The following TPP1 variants were observed in gnomAD, a reference collection of about 807,000 sequenced individuals.
The protein encoded by TPP1 is tripeptidyl peptidase 1.
TPP1 carries 43 observed loss-of-function variants against 67.6 expected under a neutral mutation model. That is an observed-to-expected ratio of 0.64 (90% CI 0.50 to 0.82). The LOEUF (loss-of-function observed/expected upper bound fraction) is 0.82, where lower values mean the gene tolerates loss of function less well. TPP1 is among the 40% of genes least tolerant of loss of function. The pLI is 0.00. For missense variants in TPP1, 671 were observed against 710.9 expected (o/e 0.94, Z 0.64); for synonymous variants, 272 against 281.5 (o/e 0.97, Z 0.34).
rs138448968 is a variant in TPP1, at chr11:6,618,904, C to G, written c.101G>C (p.Gly34Ala). 2 of 1,613,272 alleles carry G rather than the reference C, an allele frequency of 1.2e-6. No individual in the cohort carries two copies. The highest frequency in any genetic ancestry group is 1.7e-6 in the Non-Finnish European group (2 of 1,180,044). ...EPDQRRTLPP[G>A]WVSLGRADPE... The stretch of plus-strand genomic sequence containing the variant: ...GTCCGCACGGCCCAGGGACACCCAG[C>G]CTGGGGGCAGCCTGTAGGGTCAGGG... The change falls in exon 3 of 13, where the codon GGC becomes GCC. Residue 34 changes from glycine to alanine, a missense_variant. Coordinates refer to ENST00000299427, the MANE Select transcript of TPP1 (RefSeq NM_000391.4).
At chr11:6,617,230 C>T (rs1855601086) in intron 5 of TPP1, 71 bp downstream of exon 5, 2 of 1,613,976 alleles carry the variant, frequency 1.2e-6, no homozygotes, top group Middle Eastern at 1.6e-4. Context: ...CCCCCAGTCC[C>T]CAATGGCATC....
At position 6,618,900 on chromosome 11, in the gene TPP1, C is replaced by T; in HGVS notation, c.105G>A (p.Trp35Ter). 1.2e-6 allele frequency: 2 copies of T among 1,613,530 alleles called. No homozygotes were observed. The highest frequency in any genetic ancestry group is 1.7e-6 in the Non-Finnish European group (2 of 1,180,026). ...CAGGGTCCGCACGGCCCAGGGACAC[C>T]CAGCCTGGGGGCAGCCTGTAGGGTC... The part of the protein sequence containing the change: ...PDQRRTLPPG[W>*]VSLGRADPEE... Residue 35 changes from tryptophan (W) to a stop codon, truncating the protein, a stop_gained, in exon 3 of 13, where the codon TGG becomes TGA. Transcript: ENST00000299427. LOFTEE classifies it high-confidence loss of function.
At chr11:6,615,889 C>A in intron 9 of TPP1, 116 bp downstream of exon 9, 1 of 1,240,550 alleles carries the variant, frequency 8.1e-7, no homozygotes, top group Non-Finnish European at 1.2e-6. Context: ...CCAGGGCAGG[C>A]AAAGCTTAAG....
rs754314582 is a variant in TPP1, at chr11:6,616,747, C to T, written c.800G>A (p.Gly267Asp). 2.5e-6 allele frequency: 4 copies of T among 1,614,034 alleles called. No individual in the cohort carries two copies. The highest frequency in any genetic ancestry group is 3.4e-6 in the Non-Finnish European group (4 of 1,180,016). The change falls in exon 7 of 13, where the codon GGC becomes GAC. Residue 267 changes from glycine (G) to aspartate (D), a missense_variant. Physicochemically the swap from Gly to Asp is moderately conservative, Grantham distance 94 (BLOSUM62 -1). Coordinates refer to ENST00000299427, the MANE Select transcript of TPP1 (RefSeq NM_000391.4). ...TAGACTGGCCTCAATCCCGGCCCGG[C>T]CCCGGCCCTGTTGTCCAACCACACG... ...VARVVGQQGR[G>D]RAGIEASLDV...
At position 6,616,366 on chromosome 11, in the gene TPP1, T is replaced by C; in HGVS notation, c.1024A>G (p.Thr342Ala). 6.2e-7 allele frequency: 1 copy of C among 1,613,846 alleles called. No individual in the cohort carries two copies. The highest frequency in any genetic ancestry group is 8.5e-7 in the Non-Finnish European group (1 of 1,179,994). The change falls in exon 8 of 13, where the codon ACT becomes GCT. Residue 342 changes from threonine to alanine, a missense_variant. Physicochemically the swap from Thr to Ala is moderately conservative, Grantham distance 58. Transcript: ENST00000299427. ...CGAGCGGCAGCCTTCATGAGCTCAG[T>C]GTTGACCCGCTGGATGTAGGCGCTG... The part of the protein sequence containing the change: ...LSSAYIQRVN[T>A]ELMKAAARGL...
chr11:6,617,716 T>C lies in TPP1; in HGVS notation c.290A>G (p.His97Arg), dbSNP rs1855608104. 1 of 1,614,094 alleles carries C rather than the reference T, an allele frequency of 6.2e-7. No individual in the cohort carries two copies. Among genetic ancestry groups the C allele is most frequent in the Admixed American group, 1.7e-5 (1 of 60,012 alleles). ...DLVRPSPLTL[H>R]TVQKWLLAAG... ...TGCCAAGAGCCATTTTTGCACCGTG[T>C]GGAGGGTCAGTGGGGATGGCCTCAC... Residue 97 changes from histidine (H) to arginine (R), a missense_variant, in exon 4 of 13, where the codon CAC becomes CGC. By Grantham distance (29) the His-to-Arg change is conservative (BLOSUM62 0). Transcript: ENST00000299427.
intron 8 of TPP1, 80 bp downstream of exon 8, chr11:6,616,235 A>C: frequency 6.2e-7 from 1 of 1,603,128 alleles, no homozygotes; most frequent in South Asian, 1.1e-5. Context: ...GTCAGAGACC[A>C]GGCTCAGGGA....
At chr11:6,615,715 A>G (rs1855571315) in intron 9 of TPP1, 153 bp from the exon 10 acceptor site, 1 of 1,036,764 alleles carries the variant, frequency 9.6e-7, no homozygotes, top group Non-Finnish European at 1.4e-6. Context: ...TTGAGCCTTC[A>G]AGGCATGGCC....
rs1564854442 is a variant in TPP1 at position 6,615,490 on chromosome 11, AT to A, written c.1217del (p.Tyr406LeufsTer21). ...PFLITNEIVD[Y>X]ISGGGFSNVF... ...CATTGCTGAAGCCACCACCACTGAT[AT>A]AGTCAACAATTTCATTTGTGATGAG... On this transcript the variant is annotated frameshift_variant, in exon 10 of 13. Transcript: ENST00000299427. LOFTEE classifies it high-confidence loss of function. 1.2e-6 allele frequency: 2 copies of A among 1,614,208 alleles called. No individual in the cohort carries two copies. The highest frequency in any genetic ancestry group is 1.7e-6 in the Non-Finnish European group (2 of 1,180,038).
At position 6,614,620 on chromosome 11, in the gene TPP1, G is replaced by A; in HGVS notation, c.1618C>T (p.Pro540Ser). Reference protein sequence around the residue: ...EVEGQGFCSGPGWDPVTGWGT... With the variant: ...EVEGQGFCSGSGWDPVTGWGT... ...CAGCCTGTTACAGGATCCCAGCCAGGACCAGAGCAGAAACCCTGGCCCTCT... is the reference window on the plus strand; with the variant it reads ...CAGCCTGTTACAGGATCCCAGCCAGAACCAGAGCAGAAACCCTGGCCCTCT... Residue 540 changes from proline (P) to serine (S), a missense_variant, in exon 13 of 13, where the codon CCT becomes TCT. Physicochemically the swap from Pro to Ser is moderately conservative, Grantham distance 74. Coordinates refer to ENST00000299427, the MANE Select transcript of TPP1 (RefSeq NM_000391.4). The A allele has an allele frequency of 1.2e-6, 2 of 1,614,122 alleles. No homozygotes were observed. Among genetic ancestry groups the A allele is most frequent in the Non-Finnish European group, 1.7e-6 (2 of 1,180,002 alleles).
Position 6,619,220 on chromosome 11 carries a change from C to A in TPP1, c.65G>T (p.Ser22Ile), listed in dbSNP as rs202025584. The change falls in exon 2 of 13, where the codon AGC becomes ATC. Residue 22 changes from serine to isoleucine, a missense_variant. Physicochemically the swap from Ser to Ile is moderately radical, Grantham distance 142 (BLOSUM62 -2). Coordinates refer to ENST00000299427, the MANE Select transcript of TPP1 (RefSeq NM_000391.4). Reference sequence around the variant, plus strand: ...CGTCCTCCGCTGGTCGGGCTCCGGGCTGTAACTGCATTTGCCAGAGAGGAT... The same window carrying A: ...CGTCCTCCGCTGGTCGGGCTCCGGGATGTAACTGCATTTGCCAGAGAGGAT... ...ALILSGKCSY[S>I]PEPDQRRTLP... 1.8e-4 allele frequency: 287 copies of A among 1,614,032 alleles called. No homozygotes were observed. The highest frequency in any genetic ancestry group is 9.3e-6 in the Non-Finnish European group (11 of 1,180,024).
intron 5 of TPP1, 30 bp from the exon 6 acceptor site, chr11:6,617,183 C>T (rs964746255): frequency 2.5e-6 from 4 of 1,613,982 alleles, no homozygotes; most frequent in East Asian, 2.2e-5. Context: ...TTGAGGAGAT[C>T]TTATAGACTG....
In TPP1 at chr11:6,619,259, C is replaced by G. The variant is rs748423428; in HGVS notation, c.26G>C (p.Gly9Ala). The G allele has an allele frequency of 1.9e-6, 3 of 1,614,002 alleles. No individual in the cohort carries two copies. Among genetic ancestry groups the G allele is most frequent in the Non-Finnish European group, 2.5e-6 (3 of 1,179,996 alleles). The change falls in exon 2 of 13, where the codon GGG (glycine) becomes GCG (alanine). Residue 9 changes from glycine (G) to alanine (A), a missense_variant. Coordinates refer to ENST00000299427, the MANE Select transcript of TPP1 (RefSeq NM_000391.4). ...GCCAGAGAGGATGAGGGCAAAGAGC[C>G]CTAGGAGGCTGTAGGGGCAGCAGGT... MGLQACLL[G>A]LFALILSGKC... is the part of the protein sequence containing the mutation.
At position 6,616,766 on chromosome 11, in the gene TPP1, C is replaced by G. The variant is rs768368553; in HGVS notation, c.781G>C (p.Val261Leu). ...GCCCGGCCCCGGCCCTGTTGTCCAA[C>G]CACACGGGCTACTGATGCCTGATGT... ...FAHQASVARV[V>L]GQQGRGRAGI... Residue 261 changes from valine to leucine, a missense_variant, in exon 7 of 13, where the codon GTT becomes CTT. Transcript: ENST00000299427. 6.2e-7 allele frequency: 1 copy of G among 1,614,036 alleles called. No homozygotes were observed. Among genetic ancestry groups the G allele is most frequent in the Non-Finnish European group, 8.5e-7 (1 of 1,180,014 alleles).
In TPP1 at chr11:6,615,178, C is replaced by G. The variant is rs747773491; in HGVS notation, c.1418G>C (p.Gly473Ala). Residue 473 changes from glycine (G) to alanine (A), a missense_variant, in exon 11 of 13, where the codon GGA (glycine) becomes GCA (alanine). By Grantham distance (60) the Gly-to-Ala change is moderately conservative. Coordinates refer to ENST00000299427, the MANE Select transcript of TPP1 (RefSeq NM_000391.4). Reference sequence around the variant, plus strand: ...AGATGGGCTGATTCTCACCGAGGTTCCGGACACCCATGGAATGGGCACTCT... The same window carrying G: ...AGATGGGCTGATTCTCACCGAGGTTGCGGACACCCATGGAATGGGCACTCT... ...SNRVPIPWVS[G>A]TSASTPVFGG... 1 of 1,614,122 alleles carries G rather than the reference C, an allele frequency of 6.2e-7. No homozygotes were observed. Among genetic ancestry groups the G allele is most frequent in the Non-Finnish European group, 8.5e-7 (1 of 1,180,038 alleles).
At chr11:6,615,840 G>C (rs1354580792) in intron 9 of TPP1, 165 bp downstream of exon 9, 1 of 856,570 alleles carries the variant, frequency 1.2e-6, no homozygotes. Flanking sequence ...GAGATTTGGG[G>C]CCTGGGACCT....
chr11:6,616,884 T>C, intron 6 of TPP1, 25 bp from the exon 7 acceptor site: 3 of 1,613,858 alleles, frequency 1.9e-6, no homozygotes, highest in South Asian at 2.2e-5. Flanking sequence ...AGAGCAGAGA[T>C]CGTGGGTCCG....
At position 6,618,806 on chromosome 11, in the gene TPP1, C is replaced by T. The variant is rs762309607; in HGVS notation, c.199G>A (p.Ala67Thr). The T allele has an allele frequency of 6.2e-7, 1 of 1,613,892 alleles. No individual in the cohort carries two copies. The highest frequency in any genetic ancestry group is 1.1e-5 in the South Asian group (1 of 91,086). ...NVERLSELVQ[A>T]VSDPSSPQYG... Reference sequence around the variant, plus strand: ...TGAGGAGAGCTGGGATCCGACACAGCCTGCACCAGCTCCGAGAGTCTTTCC... The same window carrying T: ...TGAGGAGAGCTGGGATCCGACACAGTCTGCACCAGCTCCGAGAGTCTTTCC... Residue 67 changes from alanine (A) to threonine (T), a missense_variant, in exon 3 of 13, where the codon GCT becomes ACT. Transcript: ENST00000299427.
chr11:6,614,639 G>T lies in TPP1; in HGVS notation c.1599C>A (p.Gly533=). The T allele has an allele frequency of 1.2e-6, 2 of 1,614,098 alleles. No individual in the cohort carries two copies. Among genetic ancestry groups the T allele is most frequent in the Non-Finnish European group, 1.7e-6 (2 of 1,180,002 alleles). ...AGCCAGGACCAGAGCAGAAACCCTG[G>T]CCCTCTACCTCTTCATCCAGACAGG... ...HESCLDEEVE[G]QGFCSGPGWD... The change falls in exon 13 of 13, where the codon GGC becomes GGA. Residue 533 remains glycine (G), a synonymous_variant. Coordinates refer to ENST00000299427, the MANE Select transcript of TPP1 (RefSeq NM_000391.4).
Sources: allele counts gnomAD v4.1 joint callset, GRCh38; gene constraint gnomAD v4.1.1; transcripts MANE v1.5; gene names NCBI Gene and HGNC (gene_info 2026-07-23, HGNC 2026-07-21).